ZNF469: variants seen among roughly 807,000 people sequenced by gnomAD.
ZNF469 encodes the protein zinc finger protein 469.
A neutral mutation model predicts 1.0 loss-of-function variants in ZNF469; 1 was observed. The ratio of observed to expected loss-of-function variants is 1.00; its 90% CI spans 0.35 to 4.73. The LOEUF (loss-of-function observed/expected upper bound fraction) is 4.73. Among genes scored for constraint, ZNF469 ranks in the 30% most tolerant of loss-of-function variants. ZNF469 has a pLI of 0.16. For missense variants in ZNF469, 6,100 were observed against 5,356.3 expected, an observed-to-expected ratio of 1.14 and a Z score of -4.33; for synonymous variants, 2,703 against 2,363.4, an observed-to-expected ratio of 1.14 and a Z score of -4.17.
chr16:88,155,787 C>T, the ZNF469 span, among the ~76,000 whole-genome samples: 547 of 152,298 alleles, frequency 3.6e-3, 13 homozygotes, highest in Non-Finnish European at 5.9e-4. Flanking sequence ...ATGTGGGCAT[C>T]GGCTTTTGGT....
intron 1 of ZNF469, among the ~76,000 whole-genome samples, chr16:88,418,278 G>A (rs1342459095): frequency 6.6e-6 from 1 of 152,160 alleles, no homozygotes; most frequent in Admixed American, 6.5e-5. Context: ...GGGCTTCCTG[G>A]AGGAGGTGGC....
the ZNF469 span, among the ~76,000 whole-genome samples, chr16:88,162,915 G>A: frequency 6.6e-6 from 1 of 152,274 alleles, no homozygotes; most frequent in Non-Finnish European, 1.5e-5. Flanking sequence ...CATGTAGCAA[G>A]AGTATAGCAA....
the ZNF469 span, among the ~76,000 whole-genome samples, chr16:88,163,600 A>G: frequency 7.5e-6 from 1 of 132,946 alleles, no homozygotes; most frequent in South Asian, 2.8e-4. Flanking sequence ...ATGGGCAGAT[A>G]TGTGCATTGG....
At chr16:88,380,903 C>T (rs1022061230), upstream of ZNF469, among the ~76,000 whole-genome samples, 1 of 118,462 alleles carries the variant, frequency 8.4e-6, no homozygotes, top group African/African-American at 4.7e-5. Flanking sequence ...CACTCACACA[C>T]ACTCACAGAC....
At chr16:88,128,190 G>T in the ZNF469 span, among the ~76,000 whole-genome samples, 1 of 152,048 alleles carries the variant, frequency 6.6e-6, no homozygotes, top group African/African-American at 2.4e-5. Flanking sequence ...CTGAGGATGG[G>T]TGGCCCCTCT....
the ZNF469 span, among the ~76,000 whole-genome samples, chr16:88,275,623 T>C: frequency 1.3e-5 from 2 of 152,140 alleles, no homozygotes; most frequent in African/African-American, 4.8e-5. Context: ...CTAGAGTGGG[T>C]ACACTGAGGC....
intron 1 of ZNF469, among the ~76,000 whole-genome samples, chr16:88,420,917 G>A (rs1384095771): frequency 1.3e-5 from 2 of 152,152 alleles, no homozygotes; most frequent in Non-Finnish European, 2.9e-5. Context: ...CCCCCTGTGT[G>A]GTTGGCCAGG....
the ZNF469 span, among the ~76,000 whole-genome samples, chr16:88,356,464 G>GTGCCTGTGTGTGTGTGTACACA: frequency 1.3e-5 from 2 of 152,108 alleles, no homozygotes; most frequent in African/African-American, 4.8e-5. Context: ...GTGTTGACGT[G>GTGCCTGTGTGTGTGTGTACACA]TGCCTGTGTG....
At chr16:88,259,229 C>A in the ZNF469 span, among the ~76,000 whole-genome samples, 1 of 152,086 alleles carries the variant, frequency 6.6e-6, no homozygotes, top group Admixed American at 6.5e-5. The surrounding 1 kb of genome is among the most constrained non-coding windows in gnomAD (Gnocchi z 4.1). Flanking sequence ...AGTGGGATTT[C>A]CTCCCGGGCA....
chr16:88,241,960 G>C, the ZNF469 span, among the ~76,000 whole-genome samples: 1 of 152,190 alleles, frequency 6.6e-6, no homozygotes, highest in Non-Finnish European at 1.5e-5. The surrounding 1 kb of genome is among the most constrained non-coding windows in gnomAD (Gnocchi z 4.8). Context: ...GCTGTTTCCC[G>C]CTGCTGTGCA....
chr16:88,439,879 G>GTCCTCCTCCCTCTGACCACAGGGTCAT lies in ZNF469; in HGVS notation c.*547_*548insTCCTCCTCCCTCTGACCACAGGGTCAT, dbSNP rs1906879336. On this transcript the variant is annotated 3_prime_UTR_variant, in exon 3 of 3. Transcript: ENST00000565624. The stretch of plus-strand genomic sequence containing the variant: ...CGCCTGGTCCCCCAAGAGCACAACA[G>GTCCTCCTCCCTCTGACCACAGGGTCAT]GCCTCCTCCCTCTGACCACAGGGTC... 4 of 146,286 alleles carry GTCCTCCTCCCTCTGACCACAGGGTCAT rather than the reference G, an allele frequency of 2.7e-5. No individual in the cohort carries two copies. In the South Asian group the frequency reaches 8.0e-4, roughly 29 times the overall value. The allele number at this position is 146,286 out of a possible 1,614,324, so 9.1% of individuals were successfully genotyped here.
the ZNF469 span, among the ~76,000 whole-genome samples, chr16:88,315,121 C>A: frequency 1.3e-5 from 2 of 152,192 alleles, no homozygotes; most frequent in African/African-American, 4.8e-5. Flanking sequence ...CCTCTCTGAC[C>A]CTAGATTATA....
the ZNF469 span, among the ~76,000 whole-genome samples, chr16:88,358,192 C>T: frequency 3.1e-4 from 47 of 152,322 alleles, no homozygotes; most frequent in African/African-American, 1.1e-3. Context: ...CAGAGGCGGG[C>T]ATTGTGAGGA....
the ZNF469 span, among the ~76,000 whole-genome samples, chr16:88,344,260 G>A: frequency 2.1e-5 from 3 of 143,422 alleles, no homozygotes; most frequent in Non-Finnish European, 3.1e-5. Context: ...GAGGCGATGG[G>A]GGGGCGGGTT....
chr16:88,124,725 C>A, the ZNF469 span, among the ~76,000 whole-genome samples: 1 of 152,252 alleles, frequency 6.6e-6, no homozygotes, highest in African/African-American at 2.4e-5. Flanking sequence ...GGTGGGATTA[C>A]AGGCATGCAC....
the ZNF469 span, among the ~76,000 whole-genome samples, chr16:88,148,745 A>G: frequency 6.6e-6 from 1 of 152,164 alleles, no homozygotes; most frequent in Non-Finnish European, 1.5e-5. Context: ...TGAGGCTGTC[A>G]TCATTCTGGG....
the ZNF469 span, among the ~76,000 whole-genome samples, chr16:88,324,612 G>A: frequency 1.3e-5 from 2 of 152,258 alleles, no homozygotes; most frequent in South Asian, 2.1e-4. Flanking sequence ...TTGCAGAGCA[G>A]GGCTAACCCA....
intron 1 of ZNF469, among the ~76,000 whole-genome samples, chr16:88,422,152 G>C (rs994510932): frequency 2.7e-5 from 4 of 150,136 alleles, no homozygotes; most frequent in African/African-American, 9.8e-5. Flanking sequence ...GAACGGGTGG[G>C]TGGATGGGCA....
chr16:88,233,783 C>T, the ZNF469 span, among the ~76,000 whole-genome samples: 6 of 152,368 alleles, frequency 3.9e-5, no homozygotes, highest in East Asian at 1.9e-4. Context: ...GTAGAGGATG[C>T]GGGAAGCCCA....
Sources: allele counts gnomAD v4.1 joint callset (sites outside exome capture counted in the v4.1 genomes callset), GRCh38; gene constraint gnomAD v4.1.1; non-coding constraint Gnocchi (gnomAD v3.1); transcripts MANE v1.5; gene names NCBI Gene and HGNC (gene_info 2026-07-23, HGNC 2026-07-21).